FRS3: variants seen among roughly 807,000 people sequenced by gnomAD.
FRS3 encodes the protein fibroblast growth factor receptor substrate 3.
In FRS3, 17 loss-of-function variants were observed where a neutral mutation model predicts 41.9. The ratio of observed to expected loss-of-function variants is 0.41; its 90% CI spans 0.28 to 0.61. The LOEUF (loss-of-function observed/expected upper bound fraction) is 0.61, where lower values mean the gene tolerates loss of function less well. FRS3 is among the 20% of genes least tolerant of loss of function. The probability of loss-of-function intolerance (pLI) is 0.36; values close to 1 mark genes in which losing one functional copy is unlikely to be tolerated. For missense variants in FRS3, 619 were observed against 672.1 expected (o/e 0.92, Z 0.87); for synonymous variants, 287 against 274.5 (o/e 1.05, Z -0.45).
At chr6:41,778,492 G>C (rs1772456501) in intron 1 of FRS3, among the ~76,000 whole-genome samples, 1 of 152,128 alleles carries the variant, frequency 6.6e-6, no homozygotes, top group Non-Finnish European at 1.5e-5. Flanking sequence ...CCTTTGCAGA[G>C]AACTTTAACT....
In FRS3 at chr6:41,777,030, T is replaced by A; in HGVS notation, c.-23-20A>T. On this transcript the variant is annotated intron_variant, in intron 2 of 6. Transcript: ENST00000373018. ...CCTGCCCTAGGAAAAACATACAGGA[T>A]ATGCAGGTCACCAACTTCAGCTTCA... 1 of 1,576,774 alleles carries A rather than the reference T, an allele frequency of 6.3e-7. No homozygotes were observed. Among genetic ancestry groups the A allele is most frequent in the Non-Finnish European group, 8.7e-7 (1 of 1,146,068 alleles).
In FRS3 at chr6:41,771,106, A is replaced by G; in HGVS notation, c.992T>C (p.Val331Ala). The G allele has an allele frequency of 6.3e-7, 1 of 1,587,270 alleles. No individual in the cohort carries two copies. The highest frequency in any genetic ancestry group is 8.6e-7 in the Non-Finnish European group (1 of 1,164,712). ...HYENLPPLPPVWESQAQQLGG... is the reference protein window; with the variant it reads ...HYENLPPLPPAWESQAQQLGG... Reference sequence around the variant, plus strand: ...CAGCTGCTGGGCTTGGCTTTCCCACACAGGGGGCAGTGGGGGCAGGTTCTC... The same window carrying G: ...CAGCTGCTGGGCTTGGCTTTCCCACGCAGGGGGCAGTGGGGGCAGGTTCTC... The change falls in exon 7 of 7, where the codon GTG becomes GCG. Residue 331 changes from valine (V) to alanine (A), a missense_variant. Val to Ala is a moderately conservative substitution (Grantham distance 64, BLOSUM62 0). Around this residue, in one of 3 missense-constraint regions of FRS3, gnomAD observed 487 missense variants for 478.3 expected, o/e 1.02. Transcript: ENST00000373018.
chr6:41,778,546 C>T (rs1228120936), intron 1 of FRS3, among the ~76,000 whole-genome samples: 2 of 152,180 alleles, frequency 1.3e-5, no homozygotes, highest in Non-Finnish European at 2.9e-5. Context: ...ATAGTAGAGA[C>T]AGCACTGGTT....
rs75996834 is a variant in FRS3, at chr6:41,775,090, A to G, written c.253+329T>C. ...ATTTTGTTGGCAGCCTCATCAGAGA[A>G]GCTTGTTCATTCCACCTCTGCACAG... On this transcript the variant is annotated intron_variant, in intron 4 of 6. Transcript: ENST00000373018. 2.8e-3 allele frequency among the ~76,000 whole-genome samples: 427 copies of G among 152,340 alleles called. 4 individuals carry two copies. The East Asian group carries it at 0.033, about 12-fold the overall frequency.
At position 41,771,013 on chromosome 6, in the gene FRS3, T is replaced by G; in HGVS notation, c.1085A>C (p.Asp362Ala). 2 of 1,613,008 alleles carry G rather than the reference T, an allele frequency of 1.2e-6. No homozygotes were observed. The highest frequency in any genetic ancestry group is 2.2e-5 in the South Asian group (2 of 91,038). Reference sequence around the variant, plus strand: ...CAGTGGGGTCTCGTCCTCCTCACCATCAGGGAAGCCATTGGAAGAGGGTGT... The same window carrying G: ...CAGTGGGGTCTCGTCCTCCTCACCAGCAGGGAAGCCATTGGAAGAGGGTGT... ...GLTPSSNGFP[D>A]GEEDETPLQK... is the part of the protein sequence containing the mutation. Residue 362 changes from aspartate to alanine, a missense_variant, in exon 7 of 7, where the codon GAT (aspartate) becomes GCT (alanine). By Grantham distance (126) the Asp-to-Ala change is moderately radical. Around this residue, in one of 3 missense-constraint regions of FRS3, gnomAD observed 487 missense variants for 478.3 expected, o/e 1.02. Transcript: ENST00000373018.
chr6:41,771,623 GA>G, intron 6 of FRS3, 90 bp from the exon 7 acceptor site: 1 of 1,259,810 alleles, frequency 7.9e-7, no homozygotes, highest in Non-Finnish European at 1.1e-6. Flanking sequence ...GAAGCACACA[GA>G]AAAAGACCTG....
rs1772497920 is a variant in FRS3, at chr6:41,779,855, G to A, written c.-207C>T. ...CGGGCGGCGCCGGGCCCCGCTCCCG[G>A]GTCCCGCTGCAGCAGCCGCCGCCCG... On this transcript the variant is annotated 5_prime_UTR_variant, in exon 1 of 7. Coordinates refer to ENST00000373018, the MANE Select transcript of FRS3 (RefSeq NM_006653.5). 6.8e-6 allele frequency: 1 copy of A among 146,576 alleles called. No individual in the cohort carries two copies. 9.1% of individuals were successfully genotyped at this position (146,576 alleles called of 1,614,324 possible). A position where few individuals can be genotyped will look rare whatever the true frequency, so the allele number is the denominator to read the frequency against.
At position 41,770,546 on chromosome 6, in the gene FRS3, G is replaced by C; in HGVS notation, c.*73C>G. ...GCAACCCTGAACCCTGGGGAGGGTG[G>C]GTTCAGAGGACAGGAGTGTGAGGCA... On this transcript the variant is annotated 3_prime_UTR_variant, in exon 7 of 7. Coordinates refer to ENST00000373018, the MANE Select transcript of FRS3 (RefSeq NM_006653.5). 6.8e-7 allele frequency: 1 copy of C among 1,473,906 alleles called. No homozygotes were observed. Among genetic ancestry groups the C allele is most frequent in the East Asian group, 2.3e-5 (1 of 44,168 alleles). The allele number at this position is 1,473,906 out of a possible 1,614,324, so 91.3% of individuals were successfully genotyped here.
At chr6:41,774,317 G>GA (rs1043694052) in intron 4 of FRS3, among the ~76,000 whole-genome samples, 2 of 151,662 alleles carry the variant, frequency 1.3e-5, no homozygotes, top group African/African-American at 2.4e-5. Flanking sequence ...TGCTTCCTAG[G>GA]AAAAAAAACT....
chr6:41,776,256 A>T (rs1171853893), intron 3 of FRS3, among the ~76,000 whole-genome samples: 6 of 152,012 alleles, frequency 3.9e-5, no homozygotes, highest in Non-Finnish European at 5.9e-5. Context: ...AGCACTATTT[A>T]ATTTATTTAT....
rs777805185 is a variant in FRS3 at position 41,771,240 on chromosome 6, G to T, written c.858C>A (p.Thr286=). The change falls in exon 7 of 7, where the codon ACC becomes ACA. Residue 286 remains threonine (T), a synonymous_variant. Transcript: ENST00000373018. The stretch of plus-strand genomic sequence containing the variant: ...ACAGCCCCCCGGTGACGTTCTCGTA[G>T]GTGCACTTGGGCTGGGCTGGACACT... ...PSECPAQPKC[T]YENVTGGLWR... is the part of the protein sequence containing the mutation. 1 of 1,593,326 alleles carries T rather than the reference G, an allele frequency of 6.3e-7. No homozygotes were observed. Among genetic ancestry groups the T allele is most frequent in the East Asian group, 2.2e-5 (1 of 44,528 alleles).
At chr6:41,774,688 C>T in intron 4 of FRS3, among the ~76,000 whole-genome samples, 1 of 152,120 alleles carries the variant, frequency 6.6e-6, no homozygotes, top group Non-Finnish European at 1.5e-5. Flanking sequence ...AACAGGGGGA[C>T]CTGGGACCTA....
chr6:41,776,816 C>T, intron 3 of FRS3, 106 bp downstream of exon 3: 1 of 942,566 alleles, frequency 1.1e-6, no homozygotes, highest in South Asian at 1.3e-5. Context: ...ACAACCTCAG[C>T]CTGGCATTTG....
In FRS3 at chr6:41,777,028, G is replaced by A. The variant is rs769237363; in HGVS notation, c.-23-18C>T. The A allele has an allele frequency of 1.3e-6, 2 of 1,579,606 alleles. No homozygotes were observed. The highest frequency in any genetic ancestry group is 1.1e-5 in the South Asian group (1 of 90,394). On this transcript the variant is annotated intron_variant, in intron 2 of 6. Transcript: ENST00000373018. ...AGCCTGCCCTAGGAAAAACATACAG[G>A]ATATGCAGGTCACCAACTTCAGCTT...
rs1772397061 is a variant in FRS3 at position 41,775,702 on chromosome 6, G to A, written c.67-97C>T. The A allele has an allele frequency of 2.7e-5, 24 of 884,100 alleles. No homozygotes were observed. In the South Asian group the frequency reaches 3.1e-4, roughly 12 times the overall value. 54.8% of individuals were successfully genotyped at this position (884,100 alleles called of 1,614,324 possible). On this transcript the variant is annotated intron_variant, in intron 3 of 6. Transcript: ENST00000373018. ...GAGACAATCTGATGCAGGACAAGAGGTGGGGAACCAAAGGTCACATCCGAC... is the reference window on the plus strand; with the variant it reads ...GAGACAATCTGATGCAGGACAAGAGATGGGGAACCAAAGGTCACATCCGAC...
chr6:41,770,743 G>A lies in FRS3; in HGVS notation c.1355C>T (p.Ser452Leu), dbSNP rs1400968910. The change falls in exon 7 of 7, where the codon TCA becomes TTA. Residue 452 changes from serine to leucine, a missense_variant. Around this residue, in one of 3 missense-constraint regions of FRS3, gnomAD observed 487 missense variants for 478.3 expected, o/e 1.02. Transcript: ENST00000373018. ...PMPTTHPARS[S>L]DSYAVIDLKK... The stretch of plus-strand genomic sequence containing the variant: ...GAGGTCAATCACGGCGTAGGAGTCT[G>A]AGCTTCGGGCAGGGTGGGTGGTGGG... 6.2e-7 allele frequency: 1 copy of A among 1,613,856 alleles called. No individual in the cohort carries two copies. Among genetic ancestry groups the A allele is most frequent in the East Asian group, 2.2e-5 (1 of 44,870 alleles).
At chr6:41,776,691 T>A (rs1484969995) in intron 3 of FRS3, 5 of 496,236 alleles carry the variant, frequency 1.0e-5, no homozygotes, top group Non-Finnish European at 1.8e-5. Flanking sequence ...AAAAGCACCA[T>A]TATGGCATTT....
intron 4 of FRS3, 35 bp from the exon 5 acceptor site, chr6:41,772,994 T>C (rs1354682778): frequency 1.9e-6 from 3 of 1,595,454 alleles, no homozygotes; most frequent in Non-Finnish European, 1.7e-6. Context: ...CCCTAGGCAA[T>C]AGGGAAGGAC....
rs561289920 is a variant in FRS3 at position 41,771,315 on chromosome 6, G to A, written c.783C>T (p.Pro261=). 2 of 1,613,602 alleles carry A rather than the reference G, an allele frequency of 1.2e-6. No homozygotes were observed. Among genetic ancestry groups the A allele is most frequent in the African/African-American group, 2.7e-5 (2 of 75,042 alleles). ...RHMVKCQGLC[P]SLHDPPHHNN... ...TGTGGTGTGGGGGGTCATGCAGGCT[G>A]GGACAGAGGCCCTGGCACTTCACCA... The change falls in exon 7 of 7, where the codon CCC becomes CCT. Residue 261 remains proline (P), a synonymous_variant. Transcript: ENST00000373018.
Sources: gnomAD v4.1 joint callset for allele counts (sites outside exome capture counted in the v4.1 genomes callset) on GRCh38, gnomAD v4.1.1 for gene constraint, gnomAD v4.1.1 regional missense constraint, MANE v1.5 for transcripts, NCBI Gene and HGNC (gene_info 2026-07-23, HGNC 2026-07-21) for gene names.